RBBP5: variants seen among roughly 807,000 people sequenced by gnomAD.
RBBP5 encodes RB binding protein 5, histone lysine methyltransferase complex subunit.
RBBP5 carries 5 observed loss-of-function variants against 72.2 expected under a neutral mutation model. The observed-to-expected ratio is 0.07, with a 90% CI of 0.04 to 0.15. The LOEUF is 0.15. Ranked by LOEUF, RBBP5 falls within the 10% of genes least tolerant of loss-of-function variation. The pLI, the probability that RBBP5 is intolerant of heterozygous loss-of-function variation, is 1.00. For synonymous variants in RBBP5, 209 were observed against 237.2 expected (o/e 0.88, Z 1.09); for missense variants, 322 against 652.2 (o/e 0.49, Z 5.51).
intron 13 of RBBP5, among the ~76,000 whole-genome samples, chr1:205,094,115 CAG>C (rs1166494818): frequency 6.6e-6 from 1 of 152,116 alleles, no homozygotes; most frequent in East Asian, 1.9e-4. Flanking sequence ...TGGTAAGAAA[CAG>C]AAATTGTTTT....
chr1:205,109,979 T>A (rs1234298355), intron 3 of RBBP5, among the ~76,000 whole-genome samples: 2 of 152,096 alleles, frequency 1.3e-5, no homozygotes, highest in Admixed American at 6.5e-5. Flanking sequence ...TACTTGGAGT[T>A]AACTTTGTTT....
chr1:205,088,607 G>T lies in RBBP5; in HGVS notation c.*180C>A. 1.7e-6 allele frequency: 1 copy of T among 604,918 alleles called. No homozygotes were observed. The highest frequency in any genetic ancestry group is 2.9e-6 in the Non-Finnish European group (1 of 347,276). 37.5% of individuals were successfully genotyped at this position (604,918 alleles called of 1,614,324 possible). On this transcript the variant is annotated 3_prime_UTR_variant, in exon 14 of 14. Coordinates refer to ENST00000264515, the MANE Select transcript of RBBP5 (RefSeq NM_005057.4). ...ACTTATGCTTGAAAGGGAAGGGAAG[G>T]TCGTATACTCTTCTTCCATAATTCA...
rs116452997 is a variant in RBBP5 at position 205,088,680 on chromosome 1, G to A, written c.*107C>T. 86 of 1,176,496 alleles carry A rather than the reference G, an allele frequency of 7.3e-5. No individual in the cohort carries two copies. The African/African-American group carries it at 1.3e-3, about 18-fold the overall frequency. The allele number at this position is 1,176,496 out of a possible 1,614,324, so 72.9% of individuals were successfully genotyped here. A position where few individuals can be genotyped will look rare whatever the true frequency, so the allele number is the denominator to read the frequency against. Reference sequence around the variant, plus strand: ...TCACCCTCCCACCTCCTGGGTGGGAGGCACAGGCCTTTGTTTTAAATTAAA... The same window carrying A: ...TCACCCTCCCACCTCCTGGGTGGGAAGCACAGGCCTTTGTTTTAAATTAAA... On this transcript the variant is annotated 3_prime_UTR_variant, in exon 14 of 14. Coordinates refer to ENST00000264515, the MANE Select transcript of RBBP5 (RefSeq NM_005057.4).
At chr1:205,104,342 G>A (rs1030722800) in intron 4 of RBBP5, among the ~76,000 whole-genome samples, 2 of 151,350 alleles carry the variant, frequency 1.3e-5, no homozygotes, top group Non-Finnish European at 2.9e-5. Flanking sequence ...GGCCAACATG[G>A]TGAAACCCCA....
chr1:205,108,254 A>AG (rs1558578716), intron 3 of RBBP5, among the ~76,000 whole-genome samples: 1 of 152,046 alleles, frequency 6.6e-6, no homozygotes, highest in Non-Finnish European at 1.5e-5. Context: ...AAAAAAAAAA[A>AG]AATTACTTTT....
chr1:205,097,415 G>T lies in RBBP5; in HGVS notation c.1097-20C>A. 6.4e-7 allele frequency: 1 copy of T among 1,551,184 alleles called. No homozygotes were observed. The highest frequency in any genetic ancestry group is 1.2e-5 in the South Asian group (1 of 84,014). On this transcript the variant is annotated intron_variant, in intron 10 of 13. Coordinates refer to ENST00000264515, the MANE Select transcript of RBBP5 (RefSeq NM_005057.4). ...CAGCCCCTGCAGGACAGAAACACAG[G>T]AGATGTTTGAGAAGAAGTGAAAAAC...
At position 205,099,171 on chromosome 1, in the gene RBBP5, G is replaced by A; in HGVS notation, c.979-65C>T. On this transcript the variant is annotated intron_variant, in intron 9 of 13. Coordinates refer to ENST00000264515, the MANE Select transcript of RBBP5 (RefSeq NM_005057.4). The surrounding 1 kb of genome is among the most constrained non-coding windows in gnomAD (Gnocchi z 4.7). ...AATAATCTGTAATCTACACATTAATGATAAAATGAAAGATGTGAGCATGAA... is the reference window on the plus strand; with the variant it reads ...AATAATCTGTAATCTACACATTAATAATAAAATGAAAGATGTGAGCATGAA... 2 of 963,580 alleles carry A rather than the reference G, an allele frequency of 2.1e-6. No individual in the cohort carries two copies. Among genetic ancestry groups the A allele is most frequent in the Non-Finnish European group, 3.0e-6 (2 of 672,132 alleles). 59.7% of individuals were successfully genotyped at this position (963,580 alleles called of 1,614,324 possible).
intron 1 of RBBP5, among the ~76,000 whole-genome samples, chr1:205,119,738 AGATT>A (rs1656665168): frequency 6.6e-6 from 1 of 152,212 alleles, no homozygotes; most frequent in African/African-American, 2.4e-5. Flanking sequence ...TCCTCTACAT[AGATT>A]AATACATGGA....
chr1:205,119,632 C>A (rs1373101159), intron 1 of RBBP5, among the ~76,000 whole-genome samples: 2 of 152,136 alleles, frequency 1.3e-5, no homozygotes, highest in Non-Finnish European at 2.9e-5. Context: ...TCCCAAGCTG[C>A]CAAAGGACTA....
intron 3 of RBBP5, 67 bp from the exon 4 acceptor site, chr1:205,105,235 T>C (rs1656008083): frequency 6.5e-7 from 1 of 1,537,074 alleles, no homozygotes. Flanking sequence ...ATGAATAAAC[T>C]GTGTAAGTCA....
chr1:205,111,987 T>C (rs74139118), intron 3 of RBBP5, among the ~76,000 whole-genome samples: 1 of 152,032 alleles, frequency 6.6e-6, no homozygotes, highest in Admixed American at 6.6e-5. Flanking sequence ...GCTTGGAATA[T>C]ATCTGGCAAC....
At chr1:205,094,734 G>A in intron 13 of RBBP5, 139 bp downstream of exon 13, 1 of 995,234 alleles carries the variant, frequency 1.0e-6, no homozygotes, top group Non-Finnish European at 1.5e-6. Context: ...CTTAGCAGCA[G>A]CTTAAAATTC....
In RBBP5 at chr1:205,094,984, T is replaced by C. The variant is rs1655556548; in HGVS notation, c.1477A>G (p.Lys493Glu). The C allele has an allele frequency of 6.2e-7, 1 of 1,614,042 alleles. No homozygotes were observed. Among genetic ancestry groups the C allele is most frequent in the Non-Finnish European group, 8.5e-7 (1 of 1,180,036 alleles). The change falls in exon 13 of 14, where the codon AAA becomes GAA. Residue 493 changes from lysine to glutamate, a missense_variant. By Grantham distance (56) the Lys-to-Glu change is moderately conservative. Transcript: ENST00000264515. Reference protein sequence around the residue: ...QAGRPKGSKGKEKDSPFKPKL... With the variant: ...QAGRPKGSKGEEKDSPFKPKL... ...GGTTTAAATGGAGAATCTTTCTCTT[T>C]ACCTTTTGATCCTTTAGGCCGGCCT...
rs560842521 is a variant in RBBP5 at position 205,118,788 on chromosome 1, C to T, written c.20-2905G>A. On this transcript the variant is annotated intron_variant, in intron 1 of 13. Transcript: ENST00000264515. ...TGATTTGTGGTAAAAATAAGTTTGA[C>T]AAATGATCTTATTTAATTATATCTC... Among the ~76,000 whole-genome samples, 55 of 152,246 alleles carry T rather than the reference C, an allele frequency of 3.6e-4. 1 individual carries two copies. The South Asian group carries it at 0.011, about 31-fold the overall frequency.
chr1:205,119,911 A>G (rs1656671371), intron 1 of RBBP5, among the ~76,000 whole-genome samples: 1 of 152,042 alleles, frequency 6.6e-6, no homozygotes, highest in Admixed American at 6.6e-5. Flanking sequence ...CATGTCCTCT[A>G]TTCACAAGGT....
In RBBP5 at chr1:205,088,175, T is replaced by C. The variant is rs1655203024; in HGVS notation, c.*612A>G. 1 of 152,260 alleles carries C rather than the reference T, an allele frequency of 6.6e-6. No homozygotes were observed. The highest frequency in any genetic ancestry group is 6.5e-5 in the Admixed American group (1 of 15,288). The allele number at this position is 152,260 out of a possible 1,614,324, so 9.4% of individuals were successfully genotyped here. The stretch of plus-strand genomic sequence containing the variant: ...CCCTGAATTGTTACAGCCCAGCTTC[T>C]TGAGCAAAACGTGGTATGAGAGGAA... On this transcript the variant is annotated 3_prime_UTR_variant, in exon 14 of 14. Coordinates refer to ENST00000264515, the MANE Select transcript of RBBP5 (RefSeq NM_005057.4).
Position 205,098,971 on chromosome 1 carries a change from G to A in RBBP5, c.1096+18C>T, listed in dbSNP as rs754099925. On this transcript the variant is annotated intron_variant, in intron 10 of 13. Transcript: ENST00000264515. ...ATTTTCCCTTTAGGAAATCCTGTCT[G>A]CAATTTAGAAATAGTACCTGTCTGC... The A allele has an allele frequency of 6.2e-6, 9 of 1,453,930 alleles. No individual in the cohort carries two copies. The highest frequency in any genetic ancestry group is 1.4e-5 in the African/African-American group (1 of 69,148). The allele number at this position is 1,453,930 out of a possible 1,614,324, so 90.1% of individuals were successfully genotyped here.
chr1:205,117,751 C>T lies in RBBP5; in HGVS notation c.20-1868G>A, dbSNP rs572060679. Among the ~76,000 whole-genome samples the T allele has an allele frequency of 1.1e-4, 16 of 152,068 alleles. No individual in the cohort carries two copies. The South Asian group carries it at 2.3e-3, about 22-fold the overall frequency. On this transcript the variant is annotated intron_variant, in intron 1 of 13. Coordinates refer to ENST00000264515, the MANE Select transcript of RBBP5 (RefSeq NM_005057.4). ...CAAGGAAAAAGGTATAAAAGGATAACCCCACTGAAAATTTGGGATGGGGAG... is the reference window on the plus strand; with the variant it reads ...CAAGGAAAAAGGTATAAAAGGATAATCCCACTGAAAATTTGGGATGGGGAG...
chr1:205,116,085 C>T (rs1256244366), intron 1 of RBBP5: 5 of 1,075,062 alleles, frequency 4.7e-6, no homozygotes, highest in South Asian at 1.6e-5. Flanking sequence ...TATACAGATG[C>T]GTTTTCCTGA....
Sources: allele counts gnomAD v4.1 joint callset (sites outside exome capture counted in the v4.1 genomes callset), GRCh38; gene constraint gnomAD v4.1.1; non-coding constraint Gnocchi (gnomAD v3.1); transcripts MANE v1.5; gene names NCBI Gene and HGNC (gene_info 2026-07-23, HGNC 2026-07-21).